MAP6: variants seen among roughly 807,000 people sequenced by gnomAD.
MAP6 encodes microtubule-associated protein 6.
In MAP6, 26 loss-of-function variants were observed where a neutral mutation model predicts 42.4. The observed-to-expected ratio is 0.61, with a 90% CI of 0.45 to 0.85. MAP6 has a LOEUF of 0.85. Among genes scored for constraint, MAP6 ranks in the 40% least tolerant of loss-of-function variants. The pLI is 0.00. For synonymous variants in MAP6, 418 were observed against 443.8 expected, an observed-to-expected ratio of 0.94 and a Z score of 0.73; for missense variants, 966 against 1,099.0, an observed-to-expected ratio of 0.88 and a Z score of 1.71.
chr11:75,615,250 G>A (rs1040205636), intron 1 of MAP6, among the ~76,000 whole-genome samples: 6 of 152,130 alleles, frequency 3.9e-5, no homozygotes, highest in African/African-American at 1.4e-4. Context: ...CCATGGGCCA[G>A]GTCTTGCCTG....
chr11:75,667,864 C>T lies in MAP6; in HGVS notation c.506G>A (p.Gly169Glu). Residue 169 changes from glycine to glutamate, a missense_variant, in exon 1 of 4, where the codon GGG becomes GAG. This residue lies in a region of MAP6 where 943 missense variants were observed against 1,049.9 expected (regional missense o/e 0.90). Transcript: ENST00000304771. This position sits in a 1 kb window ranked among gnomAD's most constrained non-coding sequence, Gnocchi z 5.6. ...DFRAWPLPRR[G>E]DHPWIPKPVQ... is the part of the protein sequence containing the mutation. ...GGGCTTGGGGATCCACGGGTGGTCCCCGCGGCGCGGCAGCGGCCAGGCGCG... is the reference window on the plus strand; with the variant it reads ...GGGCTTGGGGATCCACGGGTGGTCCTCGCGGCGCGGCAGCGGCCAGGCGCG... The T allele has an allele frequency of 6.9e-7, 1 of 1,444,192 alleles. No individual in the cohort carries two copies. Among genetic ancestry groups the T allele is most frequent in the Non-Finnish European group, 9.1e-7 (1 of 1,095,818 alleles). 89.5% of individuals were successfully genotyped at this position (1,444,192 alleles called of 1,614,324 possible).
At position 75,587,106 on chromosome 11, in the gene MAP6, T is replaced by C. The variant is rs1942366202; in HGVS notation, c.2395A>G (p.Met799Val). 6.2e-7 allele frequency: 1 copy of C among 1,608,998 alleles called. No individual in the cohort carries two copies. The highest frequency in any genetic ancestry group is 1.3e-5 in the African/African-American group (1 of 74,850). ...TCCGTATGGGGGGCAGTTGGGATCA[T>C]GACTCGGGGTAGAGGTGAGACAGTA... ...LPTVSPLPRV[M>V]IPTAPHTEYI... Residue 799 changes from methionine (M) to valine (V), a missense_variant, in exon 4 of 4, where the codon ATG becomes GTG. This residue lies in a region of MAP6 where 943 missense variants were observed against 1,049.9 expected (regional missense o/e 0.90). Transcript: ENST00000304771.
chr11:75,668,491 T>G lies in MAP6; in HGVS notation c.-122A>C. ...GGTTCCCACCGTTTTCTACCCCCGATCAGCCGGAGCTAGTTCGCCCTCCTC... is the reference window on the plus strand; with the variant it reads ...GGTTCCCACCGTTTTCTACCCCCGAGCAGCCGGAGCTAGTTCGCCCTCCTC... On this transcript the variant is annotated 5_prime_UTR_variant, in exon 1 of 4. Coordinates refer to ENST00000304771, the MANE Select transcript of MAP6 (RefSeq NM_033063.2). 1 of 1,367,868 alleles carries G rather than the reference T, an allele frequency of 7.3e-7. No individual in the cohort carries two copies. The highest frequency in any genetic ancestry group is 1.8e-5 in the South Asian group (1 of 56,434). 84.7% of individuals were successfully genotyped at this position (1,367,868 alleles called of 1,614,324 possible).
At chr11:75,658,152 G>A (rs1210968072) in intron 1 of MAP6, among the ~76,000 whole-genome samples, 3 of 152,106 alleles carry the variant, frequency 2.0e-5, no homozygotes, top group Admixed American at 6.5e-5. Flanking sequence ...TAAGTCTTCT[G>A]CATTCATTTC....
intron 1 of MAP6, among the ~76,000 whole-genome samples, chr11:75,610,596 G>T (rs761566588): frequency 6.6e-6 from 1 of 152,354 alleles, no homozygotes; most frequent in African/African-American, 2.4e-5. Flanking sequence ...TGTAGCTAAG[G>T]GTTGCCAAAT....
chr11:75,618,796 T>C (rs1486165865), intron 1 of MAP6, among the ~76,000 whole-genome samples: 1 of 152,188 alleles, frequency 6.6e-6, no homozygotes, highest in Non-Finnish European at 1.5e-5. Flanking sequence ...GATGCCCTGG[T>C]AGAGCCGACA....
At chr11:75,632,801 A>G (rs907441748) in intron 1 of MAP6, among the ~76,000 whole-genome samples, 1 of 152,194 alleles carries the variant, frequency 6.6e-6, no homozygotes, top group Admixed American at 6.5e-5. Flanking sequence ...AGAACCCTAG[A>G]ATTTTAGAAC....
intron 1 of MAP6, among the ~76,000 whole-genome samples, chr11:75,653,981 CAATT>C (rs1198908926): frequency 6.6e-6 from 1 of 152,170 alleles, no homozygotes; most frequent in Non-Finnish European, 1.5e-5. Flanking sequence ...TTCATTTGTT[CAATT>C]AATTCATATC....
chr11:75,594,153 C>T (rs1942531569), intron 3 of MAP6: 1 of 152,226 alleles, frequency 6.6e-6, no homozygotes, highest in Admixed American at 6.5e-5. Flanking sequence ...AGGACTAAAA[C>T]ATGGGCCTCT....
At position 75,667,480 on chromosome 11, in the gene MAP6, A is replaced by G. The variant is rs1943969278; in HGVS notation, c.890T>C (p.Val297Ala). 1 of 1,509,250 alleles carries G rather than the reference A, an allele frequency of 6.6e-7. No individual in the cohort carries two copies. The highest frequency in any genetic ancestry group is 1.4e-5 in the African/African-American group (1 of 69,600). 93.5% of individuals were successfully genotyped at this position (1,509,250 alleles called of 1,614,324 possible). A position where few individuals can be genotyped will look rare whatever the true frequency, so the allele number is the denominator to read the frequency against. ...CGCGTCTCACCTGTAGGAGCTGCTC[A>G]CTGCACTCGCCACCTCCTCGCGGAT... is the stretch of plus-strand genomic sequence containing the variant. ...RQIREEVASAVSSSYRNEFRA... is the reference protein window; with the variant it reads ...RQIREEVASAASSSYRNEFRA... The change falls in exon 1 of 4, where the codon GTG becomes GCG. Residue 297 changes from valine to alanine, a missense_variant. By Grantham distance (64) the Val-to-Ala change is moderately conservative (BLOSUM62 0). Coordinates refer to ENST00000304771, the MANE Select transcript of MAP6 (RefSeq NM_033063.2). The surrounding 1 kb of genome is among the most constrained non-coding windows in gnomAD (Gnocchi z 5.6).
chr11:75,604,809 C>G, intron 3 of MAP6: 2 of 985,458 alleles, frequency 2.0e-6, no homozygotes, highest in South Asian at 4.7e-5. Flanking sequence ...CAGACATTCT[C>G]CCTGACCTGA....
chr11:75,660,813 T>C (rs2135696299), intron 1 of MAP6, among the ~76,000 whole-genome samples: 2 of 152,256 alleles, frequency 1.3e-5, no homozygotes, highest in South Asian at 4.2e-4. Flanking sequence ...ACAAGGCTGT[T>C]GATAAGCTGA....
At chr11:75,633,063 T>C (rs911441792) in intron 1 of MAP6, among the ~76,000 whole-genome samples, 10 of 151,798 alleles carry the variant, frequency 6.6e-5, no homozygotes, top group African/African-American at 2.4e-4. Context: ...ACTAATAGCA[T>C]ATTGTTATTA....
At chr11:75,593,813 T>C (rs1251398850) in intron 3 of MAP6, among the ~76,000 whole-genome samples, 3 of 152,190 alleles carry the variant, frequency 2.0e-5, no homozygotes, top group South Asian at 2.1e-4. Flanking sequence ...TTTCTCATGA[T>C]GTAAAAAGCA....
Position 75,667,885 on chromosome 11 carries a change from G to A in MAP6, c.485C>T (p.Ala162Val), listed in dbSNP as rs1188965725. Reference protein sequence around the residue: ...RETQYQKDFRAWPLPRRGDHP... With the variant: ...RETQYQKDFRVWPLPRRGDHP... The stretch of plus-strand genomic sequence containing the variant: ...GTCCCCGCGGCGCGGCAGCGGCCAG[G>A]CGCGGAAGTCCTTCTGGTACTGGGT... The change falls in exon 1 of 4, where the codon GCC becomes GTC. Residue 162 changes from alanine to valine, a missense_variant. Physicochemically the swap from Ala to Val is moderately conservative, Grantham distance 64 (BLOSUM62 0). Around this residue, in one of 2 missense-constraint regions of MAP6, gnomAD observed 943 missense variants for 1,049.9 expected, o/e 0.90. Transcript: ENST00000304771. The surrounding 1 kb of genome is among the most constrained non-coding windows in gnomAD (Gnocchi z 5.6). 6.9e-7 allele frequency: 1 copy of A among 1,448,556 alleles called. No homozygotes were observed. Among genetic ancestry groups the A allele is most frequent in the Admixed American group, 2.2e-5 (1 of 45,328 alleles). The allele number at this position is 1,448,556 out of a possible 1,614,324, so 89.7% of individuals were successfully genotyped here. A position where few individuals can be genotyped will look rare whatever the true frequency, so the allele number is the denominator to read the frequency against.
chr11:75,647,680 T>A (rs1337525532), intron 1 of MAP6, among the ~76,000 whole-genome samples: 2 of 152,184 alleles, frequency 1.3e-5, no homozygotes, highest in Non-Finnish European at 2.9e-5. Flanking sequence ...GGAAAGGGAA[T>A]GACATCTTGT....
Position 75,608,254 on chromosome 11 carries a change from G to A in MAP6, c.974C>T (p.Pro325Leu). The change falls in exon 2 of 4, where the codon CCC (proline) becomes CTC (leucine). Residue 325 changes from proline to leucine, a missense_variant. Pro to Leu is a moderately conservative substitution (Grantham distance 98). Around this residue, in one of 2 missense-constraint regions of MAP6, gnomAD observed 943 missense variants for 1,049.9 expected, o/e 0.90. Transcript: ENST00000304771. ...CTCATGAACCATCTTATCATCTGGG[G>A]GCTTGTACTGGGGCTTGGCCTTTAT... ...KPIKAKPQYK[P>L]PDDKMVHETS... The A allele has an allele frequency of 8.7e-6, 14 of 1,614,192 alleles. No homozygotes were observed. Among genetic ancestry groups the A allele is most frequent in the Non-Finnish European group, 1.2e-5 (14 of 1,180,024 alleles).
At chr11:75,607,546 G>C (rs953513231) in intron 2 of MAP6, 1 of 985,322 alleles carries the variant, frequency 1.0e-6, no homozygotes, top group African/African-American at 1.7e-5. Flanking sequence ...CAAATGCTGG[G>C]AACATATATT....
chr11:75,652,420 C>A (rs1444565195), intron 1 of MAP6, among the ~76,000 whole-genome samples: 1 of 152,172 alleles, frequency 6.6e-6, no homozygotes, highest in Non-Finnish European at 1.5e-5. Flanking sequence ...TTGCTGCCTG[C>A]CTGATTGTTT....
Sources: allele counts gnomAD v4.1 joint callset (sites outside exome capture counted in the v4.1 genomes callset), GRCh38; gene constraint gnomAD v4.1.1; regional missense constraint gnomAD v4.1.1; non-coding constraint Gnocchi (gnomAD v3.1); transcripts MANE v1.5; gene names NCBI Gene and HGNC (gene_info 2026-07-23, HGNC 2026-07-21).